The following FCHO2 variants were observed in gnomAD, a reference collection of about 807,000 sequenced individuals.
The protein encoded by FCHO2 is FCH and mu domain containing endocytic adaptor 2, also known as F-BAR domain only protein 2.
In FCHO2, 43 loss-of-function variants were observed where a neutral mutation model predicts 114.1. The ratio of observed to expected loss-of-function variants is 0.38; its 90% CI spans 0.30 to 0.49. FCHO2 has a LOEUF of 0.49. Ranked by LOEUF, FCHO2 falls within the 20% of genes least tolerant of loss-of-function variation. The pLI, the probability that FCHO2 is intolerant of heterozygous loss-of-function variation, is 0.97. For synonymous variants in FCHO2, 293 were observed against 315.2 expected (o/e 0.93, Z 0.75); for missense variants, 807 against 950.4 (o/e 0.85, Z 1.98).
chr5:73,085,925 C>A (rs1465916555), intron 24 of FCHO2, among the ~76,000 whole-genome samples: 2 of 151,866 alleles, frequency 1.3e-5, no homozygotes, highest in African/African-American at 2.4e-5. Context: ...GAATTCAAGA[C>A]CAGCCTGGCC....
At chr5:72,973,749 C>T (rs1458717303) in intron 2 of FCHO2, among the ~76,000 whole-genome samples, 19 of 151,056 alleles carry the variant, frequency 1.3e-4, no homozygotes, top group East Asian at 1.9e-4. Flanking sequence ...TGCTAGCTTT[C>T]GAATGTGTTT....
chr5:73,012,581 T>C (rs1755081091), intron 6 of FCHO2, among the ~76,000 whole-genome samples: 1 of 141,714 alleles, frequency 7.1e-6, no homozygotes, highest in South Asian at 2.2e-4. Context: ...ATCACGCCAC[T>C]GCACTCCAGC....
intron 2 of FCHO2, among the ~76,000 whole-genome samples, chr5:72,974,965 C>CT (rs1475543894): frequency 2.0e-5 from 3 of 152,098 alleles, no homozygotes; most frequent in Admixed American, 6.5e-5. Context: ...ACTTATGAAG[C>CT]TTAGTTTGAC....
intron 18 of FCHO2, 71 bp downstream of exon 18, chr5:73,064,015 G>A: frequency 7.3e-7 from 1 of 1,377,862 alleles, no homozygotes; most frequent in East Asian, 2.5e-5. Context: ...TTTTCTATAT[G>A]CCCTTTTACA....
chr5:72,957,217 C>T (rs1393502948), intron 1 of FCHO2, among the ~76,000 whole-genome samples: 1 of 149,760 alleles, frequency 6.7e-6, no homozygotes, highest in Non-Finnish European at 1.5e-5. Flanking sequence ...TTTTAAACAG[C>T]TTTATTGAGT....
chr5:73,006,553 G>A lies in FCHO2; in HGVS notation c.600+4G>A, dbSNP rs1754731653. The A allele has an allele frequency of 1.3e-6, 2 of 1,499,520 alleles. No homozygotes were observed. The highest frequency in any genetic ancestry group is 2.6e-5 in the Admixed American group (1 of 38,616). 92.9% of individuals were successfully genotyped at this position (1,499,520 alleles called of 1,614,324 possible). ...GAAAATGACAGAAACAGCTCAGGTT[G>A]GTATTTTAAGGCTTCAGATTGAAAA... On this transcript the variant is annotated splice_donor_region_variant and intron_variant, in intron 6 of 25. Transcript: ENST00000430046.
chr5:73,041,887 T>G (rs1561471400), intron 11 of FCHO2, among the ~76,000 whole-genome samples: 1 of 152,116 alleles, frequency 6.6e-6, no homozygotes, highest in Non-Finnish European at 1.5e-5. Flanking sequence ...CCAAATGCTG[T>G]TAAGTAATGT....
rs111858579 is a variant in FCHO2, at chr5:73,037,435, A to G, written c.914+220A>G. Among the ~76,000 whole-genome samples the G allele has an allele frequency of 4.1e-3, 630 of 152,216 alleles. 3 individuals carry two copies. The highest frequency in any genetic ancestry group is 0.014 in the African/African-American group (599 of 41,544). Reference sequence around the variant, plus strand: ...TTATTTGAAAATGTTAAGACATTATAGACAAAAGCTTTAATGTCTAGAAAT... The same window carrying G: ...TTATTTGAAAATGTTAAGACATTATGGACAAAAGCTTTAATGTCTAGAAAT... On this transcript the variant is annotated intron_variant, in intron 10 of 25. Transcript: ENST00000430046.
chr5:72,981,497 C>G (rs1753210027), intron 2 of FCHO2, among the ~76,000 whole-genome samples: 1 of 152,134 alleles, frequency 6.6e-6, no homozygotes, highest in African/African-American at 2.4e-5. Context: ...GCCTGTCTTG[C>G]TAGGTTGGGG....
At chr5:73,065,528 T>A (rs1742262512) in intron 18 of FCHO2, among the ~76,000 whole-genome samples, 1 of 152,048 alleles carries the variant, frequency 6.6e-6, no homozygotes, top group African/African-American at 2.4e-5. Flanking sequence ...AATCAGAGTT[T>A]AGTTGCCTCA....
chr5:73,042,093 G>A (rs1756832165), intron 11 of FCHO2, among the ~76,000 whole-genome samples: 2 of 151,992 alleles, frequency 1.3e-5, no homozygotes, highest in South Asian at 4.2e-4. Flanking sequence ...GAAACACTGT[G>A]TTTTATGTTA....
chr5:73,068,578 C>T, intron 18 of FCHO2, 72 bp from the exon 19 acceptor site: 1 of 1,529,908 alleles, frequency 6.5e-7, no homozygotes, highest in Non-Finnish European at 8.8e-7. Context: ...AAATTTACCT[C>T]ATACTTAAAA....
chr5:72,957,857 AAT>A (rs1211985394), intron 1 of FCHO2, among the ~76,000 whole-genome samples: 1 of 152,156 alleles, frequency 6.6e-6, no homozygotes. Flanking sequence ...TTTTTATTAT[AAT>A]ATAGTGAGTG....
intron 13 of FCHO2, chr5:73,052,897 T>A (rs1446474331): frequency 6.4e-6 from 1 of 157,108 alleles, no homozygotes; most frequent in Non-Finnish European, 1.4e-5. Flanking sequence ...GCATTTTTTT[T>A]AGTCTGTCAC....
intron 11 of FCHO2, among the ~76,000 whole-genome samples, chr5:73,049,168 G>C (rs1434950639): frequency 6.6e-6 from 1 of 152,046 alleles, no homozygotes; most frequent in African/African-American, 2.4e-5. Flanking sequence ...GAGCCACCGC[G>C]CCCGGCCTGA....
chr5:73,083,689 C>G (rs1041749244), intron 24 of FCHO2, among the ~76,000 whole-genome samples: 1 of 152,084 alleles, frequency 6.6e-6, no homozygotes, highest in African/African-American at 2.4e-5. Context: ...GTCAGGAGTT[C>G]AAGACCAGCC....
chr5:73,038,977 C>T (rs1756668157), intron 10 of FCHO2, among the ~76,000 whole-genome samples: 1 of 152,062 alleles, frequency 6.6e-6, no homozygotes, highest in African/African-American at 2.4e-5. Context: ...ATGTAGGGAG[C>T]TTATAGTATT....
At chr5:73,048,029 A>C (rs6890953) in intron 11 of FCHO2, among the ~76,000 whole-genome samples, 45,228 of 151,926 alleles carry the variant, frequency 0.3, 6,954 homozygotes, top group East Asian at 0.44. Context: ...GAGATGAGAT[A>C]TGACTATATT....
At chr5:73,000,062 T>G (rs1488502499) in intron 5 of FCHO2, among the ~76,000 whole-genome samples, 1 of 152,114 alleles carries the variant, frequency 6.6e-6, no homozygotes, top group Non-Finnish European at 1.5e-5. Context: ...CTGGAGTGCA[T>G]TGGCACAATC....
Sources: allele counts gnomAD v4.1 joint callset (sites outside exome capture counted in the v4.1 genomes callset), GRCh38; gene constraint gnomAD v4.1.1; transcripts MANE v1.5; gene names NCBI Gene and HGNC (gene_info 2026-07-23, HGNC 2026-07-21).